The following GRM7 variants were observed in gnomAD, a reference collection of about 807,000 sequenced individuals.
GRM7 encodes glutamate metabotropic receptor 7.
GRM7 carries 35 observed loss-of-function variants against 84.5 expected under a neutral mutation model. The ratio of observed to expected loss-of-function variants is 0.41; its 90% confidence interval spans 0.32 to 0.55. GRM7 has a LOEUF of 0.55. GRM7 is among the 20% of genes least tolerant of loss of function. The pLI, the probability that GRM7 is intolerant of heterozygous loss-of-function variation, is 0.19. For synonymous variants in GRM7, 487 were observed against 455.1 expected (o/e 1.07, Z -0.89); for missense variants, 1,003 against 1,194.6 (o/e 0.84, Z 2.36).
intron 4 of GRM7, among the ~76,000 whole-genome samples, chr3:7,353,235 A>G (rs555579917): frequency 1.2e-4 from 19 of 152,112 alleles, no homozygotes; most frequent in Non-Finnish European, 2.4e-4. Flanking sequence ...ATGAGGAAGT[A>G]TACTATACTC....
intron 4 of GRM7, among the ~76,000 whole-genome samples, chr3:7,399,959 C>T (rs140889523): frequency 4.9e-4 from 75 of 152,244 alleles, no homozygotes; most frequent in Middle Eastern, 3.4e-3. Flanking sequence ...AACACAAAAA[C>T]GCACGAAGAC....
intron 9 of GRM7, among the ~76,000 whole-genome samples, chr3:7,693,435 C>A (rs1700889065): frequency 6.6e-6 from 1 of 152,008 alleles, no homozygotes; most frequent in Non-Finnish European, 1.5e-5. Context: ...AAACTGGCCA[C>A]CAGGGTCATT....
chr3:6,864,918 G>A (rs1247392226), intron 1 of GRM7, among the ~76,000 whole-genome samples: 1 of 152,180 alleles, frequency 6.6e-6, no homozygotes. Context: ...TTGACTGCTG[G>A]TGTACCAGAT....
intron 4 of GRM7, among the ~76,000 whole-genome samples, chr3:7,321,421 C>G (rs1455456161): frequency 1.3e-5 from 2 of 151,948 alleles, no homozygotes; most frequent in East Asian, 1.9e-4. Flanking sequence ...TCTGACCAGT[C>G]CCAAAAAGTA....
At chr3:7,487,111 G>C (rs542652445) in intron 7 of GRM7, among the ~76,000 whole-genome samples, 1 of 152,144 alleles carries the variant, frequency 6.6e-6, no homozygotes, top group Non-Finnish European at 1.5e-5. Flanking sequence ...CTGTCCTAGG[G>C]CTTTATGGAA....
intron 2 of GRM7, among the ~76,000 whole-genome samples, chr3:7,191,940 C>T (rs532590808): frequency 6.6e-6 from 1 of 152,156 alleles, no homozygotes; most frequent in East Asian, 1.9e-4. Flanking sequence ...ATATTTCTTA[C>T]CAGGTACATC....
chr3:6,976,536 G>A (rs1217398510), intron 1 of GRM7, among the ~76,000 whole-genome samples: 1 of 152,060 alleles, frequency 6.6e-6, no homozygotes, highest in East Asian at 1.9e-4. Flanking sequence ...TTGTAACTAA[G>A]GATTAATTAA....
chr3:7,110,581 C>T (rs377264384), intron 1 of GRM7, among the ~76,000 whole-genome samples: 6 of 138,998 alleles, frequency 4.3e-5, no homozygotes, highest in East Asian at 2.2e-4. Flanking sequence ...GGCAAGAGAG[C>T]GATACTCTGT....
chr3:7,190,270 C>A (rs1224508729), intron 2 of GRM7, among the ~76,000 whole-genome samples: 1 of 152,048 alleles, frequency 6.6e-6, no homozygotes, highest in African/African-American at 2.4e-5. Flanking sequence ...AGGCATTTGG[C>A]ATTCATTTTA....
At chr3:6,890,784 C>G (rs1320562433) in intron 1 of GRM7, among the ~76,000 whole-genome samples, 1 of 151,572 alleles carries the variant, frequency 6.6e-6, no homozygotes, top group Non-Finnish European at 1.5e-5. Flanking sequence ...TCCTGGGTAT[C>G]CTTGTTAAAT....
chr3:7,185,270 G>A (rs905600397), intron 2 of GRM7, among the ~76,000 whole-genome samples: 1 of 152,156 alleles, frequency 6.6e-6, no homozygotes, highest in African/African-American at 2.4e-5. Flanking sequence ...GAGTTTGGAA[G>A]ACCTGGTTGT....
At position 7,642,210 on chromosome 3, in the gene GRM7, C is replaced by T. The variant is rs558279326; in HGVS notation, c.2452-37839C>T. Among the ~76,000 whole-genome samples, 3 of 152,124 alleles carry T rather than the reference C, an allele frequency of 2.0e-5. 1 individual carries two copies. The highest frequency in any genetic ancestry group is 2.1e-4 in the South Asian group (1 of 4,816). On this transcript the variant is annotated intron_variant, in intron 8 of 9. Coordinates refer to ENST00000357716, the MANE Select transcript of GRM7 (RefSeq NM_000844.4). Reference sequence around the variant, plus strand: ...GAATATACATTCCTAGCAAACTTCCCGGAGCTACCAACATACCTTGTCCTG... The same window carrying T: ...GAATATACATTCCTAGCAAACTTCCTGGAGCTACCAACATACCTTGTCCTG...
chr3:7,131,011 C>G (rs1210256073), intron 1 of GRM7, among the ~76,000 whole-genome samples: 1 of 152,140 alleles, frequency 6.6e-6, no homozygotes, highest in Admixed American at 6.5e-5. Context: ...CCTGAATAAA[C>G]TTCACTAGCA....
intron 1 of GRM7, among the ~76,000 whole-genome samples, chr3:7,110,438 T>G (rs539275840): frequency 6.6e-6 from 1 of 151,978 alleles, no homozygotes; most frequent in Non-Finnish European, 1.5e-5. Flanking sequence ...CCATTTCTAC[T>G]AAAAATAAAA....
intron 2 of GRM7, among the ~76,000 whole-genome samples, chr3:7,268,411 G>C (rs532460423): frequency 3.3e-5 from 5 of 152,112 alleles, no homozygotes; most frequent in African/African-American, 9.6e-5. Context: ...AGCCATGATT[G>C]AGCCACTGCA....
chr3:7,276,178 A>G (rs1333544467), intron 2 of GRM7, among the ~76,000 whole-genome samples: 1 of 147,338 alleles, frequency 6.8e-6, no homozygotes, highest in East Asian at 2.0e-4. Context: ...AAACTTAACC[A>G]TTATTTTTTA....
intron 7 of GRM7, among the ~76,000 whole-genome samples, chr3:7,464,379 C>T (rs1240442565): frequency 4.6e-5 from 7 of 152,176 alleles, no homozygotes; most frequent in Non-Finnish European, 1.0e-4. Flanking sequence ...AAATATACTA[C>T]AGCCAAAATG....
At chr3:7,160,121 T>G (rs1362953680) in intron 2 of GRM7, among the ~76,000 whole-genome samples, 1 of 152,104 alleles carries the variant, frequency 6.6e-6, no homozygotes, top group African/African-American at 2.4e-5. Context: ...AGTGAGGGAT[T>G]TGGTCTTGAT....
At position 7,186,848 on chromosome 3, in the gene GRM7, C is replaced by A. The variant is rs1344621331; in HGVS notation, c.736+40180C>A. On this transcript the variant is annotated intron_variant, in intron 2 of 9. Coordinates refer to ENST00000357716, the MANE Select transcript of GRM7 (RefSeq NM_000844.4). ...TTTCAAAGTTCTCTTGGGGCTAGTA[C>A]AATTACAAATAAGGTTTTATTTTTG... Among the ~76,000 whole-genome samples, 3 of 152,258 alleles carry A rather than the reference C, an allele frequency of 2.0e-5. No individual in the cohort carries two copies. The East Asian group carries it at 5.8e-4, about 29-fold the overall frequency.
Sources: allele counts gnomAD v4.1 joint callset (sites outside exome capture counted in the v4.1 genomes callset), GRCh38; gene constraint gnomAD v4.1.1; transcripts MANE v1.5; gene names NCBI Gene and HGNC (gene_info 2026-07-23, HGNC 2026-07-21).